DNAL1: variants seen among roughly 807,000 people sequenced by gnomAD.
DNAL1 encodes chromosome 14 open reading frame 168.
Under a neutral mutation model 29.4 loss-of-function variants are expected in DNAL1, and 17 were observed. The ratio of observed to expected loss-of-function variants is 0.58; its 90% CI spans 0.40 to 0.87. The LOEUF is 0.87. Among genes scored for constraint, DNAL1 ranks in the 40% least tolerant of loss-of-function variants. The pLI is 0.00. For synonymous variants in DNAL1, 78 were observed against 76.3 expected, an observed-to-expected ratio of 1.02 and a Z score of -0.12; for missense variants, 188 against 214.1, an observed-to-expected ratio of 0.88 and a Z score of 0.76.
intron 3 of DNAL1, among the ~76,000 whole-genome samples, chr14:73,660,883 TTTA>T (rs1379269371): frequency 6.6e-6 from 1 of 152,200 alleles, no homozygotes; most frequent in Admixed American, 6.5e-5. Context: ...TTGCTGACAA[TTTA>T]TTTGTGCTAG....
chr14:73,655,350 T>C (rs1891194732), intron 2 of DNAL1, among the ~76,000 whole-genome samples: 1 of 150,714 alleles, frequency 6.6e-6, no homozygotes, highest in African/African-American at 2.4e-5. Flanking sequence ...TCTTTTCTTT[T>C]TTTTTTTTTT....
chr14:73,650,117 A>G (rs1037614426), intron 1 of DNAL1, among the ~76,000 whole-genome samples: 1 of 151,862 alleles, frequency 6.6e-6, no homozygotes, highest in East Asian at 1.9e-4. Context: ...CTGAGTACCT[A>G]GGACTACAGG....
chr14:73,658,802 C>T (rs1286103108), intron 2 of DNAL1, 45 bp from the exon 3 acceptor site: 3 of 1,458,254 alleles, frequency 2.1e-6, no homozygotes, highest in South Asian at 1.2e-5. Context: ...TTTGTTTCCA[C>T]ATTGCAATCA....
At chr14:73,671,512 A>T in intron 4 of DNAL1, 30 bp from the exon 5 acceptor site, 1 of 1,430,560 alleles carries the variant, frequency 7.0e-7, no homozygotes, top group South Asian at 1.6e-5. Context: ...TGATTCTAGT[A>T]AACAAAAAAA....
intron 4 of DNAL1, among the ~76,000 whole-genome samples, chr14:73,664,854 T>A (rs1953058818): frequency 1.3e-5 from 2 of 148,254 alleles, no homozygotes; most frequent in African/African-American, 4.9e-5. Flanking sequence ...GAGCAAGACC[T>A]TGTCTAAAAA....
rs2140072940 is a variant in DNAL1 at position 73,701,851 on chromosome 14, A to G, written c.*5909A>G. On this transcript the variant is annotated 3_prime_UTR_variant, in exon 8 of 8. Transcript: ENST00000553645. ...AGTTTTGTAGCATGACTTTATGACT[A>G]AACTTATTGTGAATTAAGTTATTTA... is the stretch of plus-strand genomic sequence containing the variant. 1 of 152,306 alleles carries G rather than the reference A, an allele frequency of 6.6e-6. No homozygotes were observed. The highest frequency in any genetic ancestry group is 2.1e-4 in the South Asian group (1 of 4,824). The allele number at this position is 152,306 out of a possible 1,614,324, so 9.4% of individuals were successfully genotyped here.
chr14:73,688,381 G>A (rs1010269387), intron 6 of DNAL1, among the ~76,000 whole-genome samples: 4 of 152,098 alleles, frequency 2.6e-5, no homozygotes, highest in African/African-American at 9.7e-5. Flanking sequence ...AGGCCAAGGC[G>A]GGCAGATCAC....
chr14:73,699,886 C>T lies in DNAL1; in HGVS notation c.*3944C>T, dbSNP rs143877832. 75 of 152,244 alleles carry T rather than the reference C, an allele frequency of 4.9e-4. No individual in the cohort carries two copies. Among genetic ancestry groups the T allele is most frequent in the African/African-American group, 1.8e-3 (73 of 41,546 alleles). 9.4% of individuals were successfully genotyped at this position (152,244 alleles called of 1,614,324 possible). On this transcript the variant is annotated 3_prime_UTR_variant, in exon 8 of 8. Transcript: ENST00000553645. The stretch of plus-strand genomic sequence containing the variant: ...AATCACATAATTTTGCAGACCATGG[C>T]AGTCATTAAATACAGAAAAATACTG...
intron 3 of DNAL1, chr14:73,659,715 CAA>C (rs1025403945): frequency 2.0e-5 from 3 of 152,062 alleles, no homozygotes; most frequent in Non-Finnish European, 4.4e-5. Flanking sequence ...AAATTATCCA[CAA>C]AGTCAAAACT....
intron 3 of DNAL1, among the ~76,000 whole-genome samples, chr14:73,659,161 A>ATT (rs10547955): frequency 0.017 from 2,435 of 140,824 alleles, 80 homozygotes; most frequent in African/African-American, 0.062. Flanking sequence ...GTATAGTACA[A>ATT]TTTTTTTTTT....
At chr14:73,658,280 A>C (rs985693422) in intron 2 of DNAL1, among the ~76,000 whole-genome samples, 1 of 152,164 alleles carries the variant, frequency 6.6e-6, no homozygotes, top group Non-Finnish European at 1.5e-5. Context: ...TTTTATACCA[A>C]TACCGTGCTG....
Position 73,674,897 on chromosome 14 carries a change from G to A in DNAL1, c.264+3300G>A, listed in dbSNP as rs540430065. 7.9e-4 allele frequency among the ~76,000 whole-genome samples: 120 copies of A among 151,588 alleles called. 1 individual carries two copies. The highest frequency in any genetic ancestry group is 2.9e-3 in the African/African-American group (118 of 41,334). On this transcript the variant is annotated intron_variant, in intron 5 of 7. Transcript: ENST00000553645. ...GCCAGGGTCTCACTGTGTCGCCCAG[G>A]CTGGAGTGTCTCCTGGGCTCAAGCA...
intron 3 of DNAL1, among the ~76,000 whole-genome samples, chr14:73,659,248 G>A (rs1051518322): frequency 2.0e-5 from 3 of 148,758 alleles, no homozygotes; most frequent in Non-Finnish European, 3.0e-5. Flanking sequence ...TGCAACCTAC[G>A]CCTCCCGGGT....
At chr14:73,692,026 C>T (rs1428959784) in intron 7 of DNAL1, among the ~76,000 whole-genome samples, 5 of 140,896 alleles carry the variant, frequency 3.5e-5, no homozygotes, top group Non-Finnish European at 7.5e-5. Context: ...GAGACAGAGC[C>T]TTGCTCTGTC....
At chr14:73,687,746 G>A (rs988903139) in intron 6 of DNAL1, among the ~76,000 whole-genome samples, 3 of 152,078 alleles carry the variant, frequency 2.0e-5, no homozygotes, top group East Asian at 1.9e-4. Flanking sequence ...CGTGGCGGGC[G>A]CCTGTAGTCC....
chr14:73,661,146 A>G (rs1287058612), intron 3 of DNAL1, among the ~76,000 whole-genome samples: 1 of 151,574 alleles, frequency 6.6e-6, no homozygotes, highest in Non-Finnish European at 1.5e-5. Flanking sequence ...CCTGGGCCAC[A>G]GAGCGAGACT....
In DNAL1 at chr14:73,703,429, AAAG is replaced by A. The variant is rs1267157940; in HGVS notation, c.*7491_*7493del. 1 of 152,202 alleles carries A rather than the reference AAAG, an allele frequency of 6.6e-6. No individual in the cohort carries two copies. Among genetic ancestry groups the A allele is most frequent in the African/African-American group, 2.4e-5 (1 of 41,458 alleles). The allele number at this position is 152,202 out of a possible 1,614,324, so 9.4% of individuals were successfully genotyped here. A position where few individuals can be genotyped will look rare whatever the true frequency, so the allele number is the denominator to read the frequency against. The stretch of plus-strand genomic sequence containing the variant: ...GGCCTGAAGTAACTGAAGATCCACA[AAAG>A]AAGTAAAAATAGCCTTAACTGATGA... On this transcript the variant is annotated 3_prime_UTR_variant, in exon 8 of 8. Coordinates refer to ENST00000553645, the MANE Select transcript of DNAL1 (RefSeq NM_031427.4).
chr14:73,687,463 C>A, intron 6 of DNAL1, 78 bp downstream of exon 6: 1 of 1,413,650 alleles, frequency 7.1e-7, no homozygotes, highest in South Asian at 1.9e-5. Flanking sequence ...AGATGCAAAA[C>A]GAGAACGTTT....
In DNAL1 at chr14:73,698,047, T is replaced by C. The variant is rs541092674; in HGVS notation, c.*2105T>C. On this transcript the variant is annotated 3_prime_UTR_variant, in exon 8 of 8. Coordinates refer to ENST00000553645, the MANE Select transcript of DNAL1 (RefSeq NM_031427.4). ...TTCTAAAAGTAACCCTGGAAGTGAATATAATAGGAAGTAAGTGATTTCATA... is the reference window on the plus strand; with the variant it reads ...TTCTAAAAGTAACCCTGGAAGTGAACATAATAGGAAGTAAGTGATTTCATA... The C allele has an allele frequency of 6.6e-6, 1 of 152,296 alleles. No individual in the cohort carries two copies. Among genetic ancestry groups the C allele is most frequent in the South Asian group, 2.1e-4 (1 of 4,824 alleles). 9.4% of individuals were successfully genotyped at this position (152,296 alleles called of 1,614,324 possible). A position where few individuals can be genotyped will look rare whatever the true frequency, so the allele number is the denominator to read the frequency against.
Sources: gnomAD v4.1 joint callset for allele counts (sites outside exome capture counted in the v4.1 genomes callset) on GRCh38, gnomAD v4.1.1 for gene constraint, MANE v1.5 for transcripts, NCBI Gene and HGNC (gene_info 2026-07-23, HGNC 2026-07-21) for gene names.